LRRC8A: variants seen among roughly 807,000 people sequenced by gnomAD.
The protein encoded by LRRC8A is leucine rich repeat containing 8 VRAC subunit A, also known as volume-regulated anion channel subunit LRRC8A.
A neutral mutation model predicts 52.5 loss-of-function variants in LRRC8A; 24 were observed. The observed-to-expected ratio is 0.46, with a 90% confidence interval of 0.33 to 0.64. The LOEUF is 0.64. Ranked by LOEUF, LRRC8A falls within the 30% of genes least tolerant of loss-of-function variation. The pLI, the probability that LRRC8A is intolerant of heterozygous loss-of-function variation, is 0.02. For synonymous variants in LRRC8A, 492 were observed against 494.2 expected (o/e 1.00, Z 0.06); for missense variants, 677 against 1,094.7 (o/e 0.62, Z 5.38).
At chr9:128,883,234 C>T (rs753174994) in intron 1 of LRRC8A, among the ~76,000 whole-genome samples, 14 of 152,200 alleles carry the variant, frequency 9.2e-5, no homozygotes, top group Non-Finnish European at 1.8e-4. Context: ...GGAGGGAGAG[C>T]ACCTGGTAAG....
In LRRC8A at chr9:128,917,540, G is replaced by A. The variant is rs571155673; in HGVS notation, c.*1169G>A. On this transcript the variant is annotated 3_prime_UTR_variant, in exon 4 of 4. Coordinates refer to ENST00000372600, the MANE Select transcript of LRRC8A (RefSeq NM_019594.4). Reference sequence around the variant, plus strand: ...GAGCCAAGAGGAGCCACTTCGCCCAGACTTTGTTTCCCCACCGCCTGCGGC... The same window carrying A: ...GAGCCAAGAGGAGCCACTTCGCCCAAACTTTGTTTCCCCACCGCCTGCGGC... The A allele has an allele frequency of 6.5e-6, 1 of 152,994 alleles. No individual in the cohort carries two copies. The highest frequency in any genetic ancestry group is 1.9e-4 in the East Asian group (1 of 5,192). 9.5% of individuals were successfully genotyped at this position (152,994 alleles called of 1,614,324 possible).
At chr9:128,914,404 G>A (rs1369631057) in intron 3 of LRRC8A, among the ~76,000 whole-genome samples, 1 of 141,488 alleles carries the variant, frequency 7.1e-6, no homozygotes, top group African/African-American at 2.5e-5. Context: ...TCAGTTTCTA[G>A]TCCAACCTGT....
chr9:128,890,072 G>C (rs1390245386), intron 2 of LRRC8A, among the ~76,000 whole-genome samples: 3 of 151,078 alleles, frequency 2.0e-5, no homozygotes, highest in Non-Finnish European at 2.9e-5. Context: ...CAAAGTGCTG[G>C]GATTACAGGT....
chr9:128,911,890 G>C lies in LRRC8A; in HGVS notation c.2157+2569G>C, dbSNP rs1456465293. 6.6e-6 allele frequency among the ~76,000 whole-genome samples: 1 copy of C among 152,220 alleles called. No individual in the cohort carries two copies. Among genetic ancestry groups the C allele is most frequent in the Non-Finnish European group, 1.5e-5 (1 of 68,042 alleles). ...GCCCCTCATTCTGAGTGGGAGGCCT[G>C]AGCCCCTCTTCCTCCTCACTCGGGC... On this transcript the variant is annotated intron_variant, in intron 3 of 3. Coordinates refer to ENST00000372600, the MANE Select transcript of LRRC8A (RefSeq NM_019594.4). The surrounding 1 kb of genome is among the most constrained non-coding windows in gnomAD (Gnocchi z 4.9).
Position 128,908,650 on chromosome 9 carries a change from C to T in LRRC8A, c.1486C>T (p.Arg496Trp), listed in dbSNP as rs368702927. 34 of 1,612,636 alleles carry T rather than the reference C, an allele frequency of 2.1e-5. No homozygotes were observed. The highest frequency in any genetic ancestry group is 3.3e-5 in the Admixed American group (2 of 59,992). ...PALAFLRENLRALHIKFTDIK... is the reference protein window; with the variant it reads ...PALAFLRENLWALHIKFTDIK... ...GCTGGCCTTCCTGCGTGAGAACCTG[C>T]GGGCGCTGCACATCAAGTTCACCGA... The change falls in exon 3 of 4, where the codon CGG becomes TGG. Residue 496 changes from arginine (R) to tryptophan (W), a missense_variant. Transcript: ENST00000372600.
At chr9:128,904,856 G>GTGCC (rs954524267) in intron 2 of LRRC8A, among the ~76,000 whole-genome samples, 10 of 152,072 alleles carry the variant, frequency 6.6e-5, no homozygotes, top group African/African-American at 1.7e-4. Flanking sequence ...AATTAGCCGG[G>GTGCC]TGTGGTGGGC....
intron 2 of LRRC8A, among the ~76,000 whole-genome samples, chr9:128,887,104 ATT>A (rs34753031): frequency 3.7e-4 from 55 of 147,042 alleles, no homozygotes; most frequent in African/African-American, 9.9e-4. Context: ...AGAAATAGTA[ATT>A]TTTTTTTTTT....
At position 128,907,162 on chromosome 9, in the gene LRRC8A, A is replaced by T. The variant is rs1182830714; in HGVS notation, c.-3A>T. ...CTCCTATGGCTCCCTTTTAGGTTGAACCATGATTCCGGTGACAGAGCTCCG... is the reference window on the plus strand; with the variant it reads ...CTCCTATGGCTCCCTTTTAGGTTGATCCATGATTCCGGTGACAGAGCTCCG... On this transcript the variant is annotated 5_prime_UTR_variant, in exon 3 of 4. Transcript: ENST00000372600. This position sits in a 1 kb window ranked among gnomAD's most constrained non-coding sequence, Gnocchi z 9.3. The T allele has an allele frequency of 4.4e-6, 7 of 1,604,458 alleles. No homozygotes were observed. In the East Asian group the frequency reaches 1.6e-4, roughly 36 times the overall value.
At chr9:128,882,617 C>T (rs1472367285) in intron 1 of LRRC8A, 3 of 398,770 alleles carry the variant, frequency 7.5e-6, no homozygotes, top group African/African-American at 6.2e-5. Flanking sequence ...GAGGTTCCAC[C>T]TCTGGGCTCT....
At chr9:128,888,688 G>C (rs764226968) in intron 2 of LRRC8A, among the ~76,000 whole-genome samples, 1 of 152,088 alleles carries the variant, frequency 6.6e-6, no homozygotes, top group Non-Finnish European at 1.5e-5. Flanking sequence ...GCGGGGCTGC[G>C]AGAGCGTCTG....
chr9:128,887,868 C>T (rs968870560), intron 2 of LRRC8A, among the ~76,000 whole-genome samples: 1 of 152,116 alleles, frequency 6.6e-6, no homozygotes, highest in Admixed American at 6.5e-5. Flanking sequence ...TGGTCTTGAT[C>T]TCCTGACCTT....
At position 128,899,412 on chromosome 9, in the gene LRRC8A, A is replaced by G. The variant is rs370949921; in HGVS notation, c.-8-7745A>G. ...TCTCGGTGGGGTCTGCTCCATCTGA[A>G]TGGCCCACCCTGGAGGTGCTGCCTG... On this transcript the variant is annotated intron_variant, in intron 2 of 3. Transcript: ENST00000372600. The surrounding 1 kb of genome is among the most constrained non-coding windows in gnomAD (Gnocchi z 4.0). 2.6e-5 allele frequency among the ~76,000 whole-genome samples: 4 copies of G among 151,956 alleles called. No homozygotes were observed. The highest frequency in any genetic ancestry group is 9.7e-5 in the African/African-American group (4 of 41,374).
At chr9:128,903,693 G>A (rs570384684) in intron 2 of LRRC8A, among the ~76,000 whole-genome samples, 2 of 151,638 alleles carry the variant, frequency 1.3e-5, no homozygotes, top group African/African-American at 2.4e-5. Context: ...GATTACAGGC[G>A]TGAGCCTCTG....
Position 128,892,795 on chromosome 9 carries a change from G to A in LRRC8A, c.-9+6674G>A, listed in dbSNP as rs574185818. On this transcript the variant is annotated intron_variant, in intron 2 of 3. Transcript: ENST00000372600. The surrounding 1 kb of genome is among the most constrained non-coding windows in gnomAD (Gnocchi z 5.2). ...GGCCTGTTGAGAGCGGCCCCTTCGC[G>A]CTCCCTGGGAGAGCACTGGAGGGCC... Among the ~76,000 whole-genome samples, 49 of 152,262 alleles carry A rather than the reference G, an allele frequency of 3.2e-4. No individual in the cohort carries two copies. The highest frequency in any genetic ancestry group is 8.5e-4 in the Admixed American group (13 of 15,304).
chr9:128,900,638 G>A (rs1170845759), intron 2 of LRRC8A, among the ~76,000 whole-genome samples: 1 of 152,120 alleles, frequency 6.6e-6, no homozygotes, highest in Admixed American at 6.5e-5. Context: ...AACCCAGGAG[G>A]TACAGGTTGC....
rs905650973 is a variant in LRRC8A at position 128,899,345 on chromosome 9, C to T, written c.-8-7812C>T. Among the ~76,000 whole-genome samples the T allele has an allele frequency of 3.9e-5, 6 of 151,938 alleles. No individual in the cohort carries two copies. The highest frequency in any genetic ancestry group is 7.3e-5 in the African/African-American group (3 of 41,364). On this transcript the variant is annotated intron_variant, in intron 2 of 3. Transcript: ENST00000372600. The surrounding 1 kb of genome is among the most constrained non-coding windows in gnomAD (Gnocchi z 4.0). ...ACGCCTCAAAGGCTCCCTTCCCTTC[C>T]GGGGCATTTCTGACCACACCCAGGT...
intron 3 of LRRC8A, 69 bp downstream of exon 3, chr9:128,909,390 C>T (rs1252513635): frequency 2.7e-6 from 4 of 1,456,262 alleles, no homozygotes; most frequent in Admixed American, 1.8e-5. Flanking sequence ...TGGTGGGGCA[C>T]TCGGCAGGCT....
rs543738813 is a variant in LRRC8A, at chr9:128,912,178, C to T, written c.2157+2857C>T. ...TGGCCTCAAAGCCTCCCACCTTGGCCGCCCAAAGTGCTGGTATTACAGGCA... is the reference window on the plus strand; with the variant it reads ...TGGCCTCAAAGCCTCCCACCTTGGCTGCCCAAAGTGCTGGTATTACAGGCA... On this transcript the variant is annotated intron_variant, in intron 3 of 3. Transcript: ENST00000372600. 8.7e-4 allele frequency among the ~76,000 whole-genome samples: 132 copies of T among 152,302 alleles called. 1 individual carries two copies. Among genetic ancestry groups the T allele is most frequent in the South Asian group, 2.3e-3 (11 of 4,830 alleles).
intron 2 of LRRC8A, among the ~76,000 whole-genome samples, chr9:128,891,408 T>A (rs892730906): frequency 4.0e-5 from 6 of 151,662 alleles, no homozygotes; most frequent in Non-Finnish European, 5.9e-5. Flanking sequence ...AAAAAATTTT[T>A]AAAAATAGCC....
Sources: allele counts gnomAD v4.1 joint callset (sites outside exome capture counted in the v4.1 genomes callset), GRCh38; gene constraint gnomAD v4.1.1; non-coding constraint Gnocchi (gnomAD v3.1); transcripts MANE v1.5; gene names NCBI Gene and HGNC (gene_info 2026-07-23, HGNC 2026-07-21).